Variants in ARMH3 observed in about 807,000 individuals in gnomAD.
ARMH3 encodes armadillo-like helical domain-containing protein 3.
A neutral mutation model predicts 99.1 loss-of-function variants in ARMH3; 60 were observed. The observed-to-expected ratio is 0.61, with a 90% CI of 0.49 to 0.75. The LOEUF is 0.75. ARMH3 is among the 30% of genes least tolerant of loss of function. The pLI is 0.00. For synonymous variants in ARMH3, 285 were observed against 292.8 expected, an observed-to-expected ratio of 0.97 and a Z score of 0.27; for missense variants, 679 against 843.1, an observed-to-expected ratio of 0.81 and a Z score of 2.41.
intron 23 of ARMH3, among the ~76,000 whole-genome samples, chr10:101,908,495 T>C (rs1842727916): frequency 6.6e-6 from 1 of 152,162 alleles, no homozygotes; most frequent in African/African-American, 2.4e-5. Context: ...ACCTACTACA[T>C]GCCAGTAATA....
intron 8 of ARMH3, among the ~76,000 whole-genome samples, chr10:102,020,079 C>T (rs1279465092): frequency 2.0e-5 from 3 of 150,008 alleles, no homozygotes; most frequent in African/African-American, 4.9e-5. Context: ...AAATATAGTA[C>T]AATGTGTTTG....
intron 15 of ARMH3, among the ~76,000 whole-genome samples, chr10:101,998,885 C>T (rs1194154596): frequency 6.6e-6 from 1 of 152,158 alleles, no homozygotes; most frequent in African/African-American, 2.4e-5. Flanking sequence ...GTGGCAAAAA[C>T]CATAGTATTT....
At chr10:101,972,461 A>G (rs989757466) in intron 20 of ARMH3, among the ~76,000 whole-genome samples, 2 of 152,238 alleles carry the variant, frequency 1.3e-5, no homozygotes, top group African/African-American at 2.4e-5. Context: ...ACACATAAGC[A>G]TATTTGCCAT....
chr10:101,872,721 G>T (rs1185905718), intron 24 of ARMH3, among the ~76,000 whole-genome samples: 1 of 152,116 alleles, frequency 6.6e-6, no homozygotes, highest in Non-Finnish European at 1.5e-5. Flanking sequence ...ATTTTGGGTA[G>T]CCAAGGCAGG....
At chr10:102,007,938 G>A (rs1255036135) in intron 13 of ARMH3, among the ~76,000 whole-genome samples, 1 of 151,638 alleles carries the variant, frequency 6.6e-6, no homozygotes, top group African/African-American at 2.4e-5. Flanking sequence ...GCAAAGACAT[G>A]GTGAGACACC....
At chr10:102,032,306 T>C (rs2067149895) in intron 4 of ARMH3, among the ~76,000 whole-genome samples, 1 of 152,234 alleles carries the variant, frequency 6.6e-6, no homozygotes, top group African/African-American at 2.4e-5. Context: ...GCCTGGCACA[T>C]AACAATTCAA....
At chr10:101,970,087 A>C (rs1026644480) in intron 20 of ARMH3, among the ~76,000 whole-genome samples, 3 of 152,230 alleles carry the variant, frequency 2.0e-5, no homozygotes, top group Admixed American at 6.5e-5. Context: ...TTCTTCCTGC[A>C]GTGGAAGTAA....
At chr10:102,006,341 T>A (rs1195746403) in intron 14 of ARMH3, among the ~76,000 whole-genome samples, 199 bp downstream of exon 14, 2 of 152,248 alleles carry the variant, frequency 1.3e-5, no homozygotes, top group African/African-American at 4.8e-5. Context: ...TATGTAAGCT[T>A]CTTTTACAGA....
chr10:101,986,855 G>T (rs1162497952), intron 19 of ARMH3, among the ~76,000 whole-genome samples: 1 of 152,118 alleles, frequency 6.6e-6, no homozygotes. Flanking sequence ...TCAGCCTGAG[G>T]GTGGGACCTT....
chr10:102,030,904 G>C (rs1216680105), intron 4 of ARMH3, among the ~76,000 whole-genome samples: 1 of 151,932 alleles, frequency 6.6e-6, no homozygotes, highest in Non-Finnish European at 1.5e-5. Context: ...CCATGCTTCG[G>C]TCTTCCTAGT....
intron 5 of ARMH3, among the ~76,000 whole-genome samples, chr10:102,028,037 G>A (rs1255811432): frequency 6.7e-6 from 1 of 150,036 alleles, no homozygotes; most frequent in African/African-American, 2.5e-5. Context: ...CAAAGGATAT[G>A]AAAGACTTTT....
At chr10:101,934,165 G>GCT in intron 23 of ARMH3, among the ~76,000 whole-genome samples, 1 of 152,276 alleles carries the variant, frequency 6.6e-6, no homozygotes, top group Non-Finnish European at 1.5e-5. Flanking sequence ...TATCTCAGAG[G>GCT]CTGCTGAAAG....
At chr10:101,921,892 T>C (rs115628691) in intron 23 of ARMH3, among the ~76,000 whole-genome samples, 64 of 152,328 alleles carry the variant, frequency 4.2e-4, no homozygotes, top group African/African-American at 1.4e-3. Flanking sequence ...TATAGTTAGA[T>C]AGAAGGAATA....
intron 11 of ARMH3, 149 bp downstream of exon 11, chr10:102,011,574 C>T (rs890380559): frequency 1.9e-4 from 103 of 541,544 alleles, no homozygotes; most frequent in Non-Finnish European, 3.1e-4. Context: ...AAAGGAAATA[C>T]ACTCCCCAAG....
intron 23 of ARMH3, among the ~76,000 whole-genome samples, chr10:101,894,056 A>C (rs2067758191): frequency 6.6e-6 from 1 of 152,216 alleles, no homozygotes; most frequent in African/African-American, 2.4e-5. Context: ...CAGGCTGAGA[A>C]ACTGTTTAGA....
rs141332039 is a variant in ARMH3, at chr10:101,949,197, G to A, written c.1705+7400C>T. The stretch of plus-strand genomic sequence containing the variant: ...ACCCTAAAAAACTAGCAAAAAAAGA[G>A]CAAATTAAACTCAAAGCAAGCAATA... On this transcript the variant is annotated intron_variant, in intron 22 of 25. Transcript: ENST00000370033. Among the ~76,000 whole-genome samples, 168 of 151,660 alleles carry A rather than the reference G, an allele frequency of 1.1e-3. 1 individual carries two copies. Among genetic ancestry groups the A allele is most frequent in the Non-Finnish European group, 1.7e-3 (117 of 67,824 alleles).
At chr10:101,864,396 T>C (rs1380117140) in intron 24 of ARMH3, among the ~76,000 whole-genome samples, 1 of 152,222 alleles carries the variant, frequency 6.6e-6, no homozygotes, top group African/African-American at 2.4e-5. Flanking sequence ...TTACTGGGTA[T>C]ATACCCAAAG....
At chr10:101,982,314 A>T (rs1401951055) in intron 19 of ARMH3, among the ~76,000 whole-genome samples, 2 of 152,100 alleles carry the variant, frequency 1.3e-5, no homozygotes, top group African/African-American at 4.8e-5. Context: ...TGAACCCGGG[A>T]GGCGGAGGTT....
chr10:102,006,573 T>G lies in ARMH3; in HGVS notation c.1015A>C (p.Thr339Pro). Residue 339 changes from threonine (T) to proline (P), a missense_variant, in exon 14 of 26, where the codon ACA becomes CCA. By Grantham distance (38) the Thr-to-Pro change is conservative. Transcript: ENST00000370033. ...GAAGGCGGTGTGGTCCCAAGTGGTGTGACTGGGGTTGTAGGAGCAGGACTG... is the reference window on the plus strand; with the variant it reads ...GAAGGCGGTGTGGTCCCAAGTGGTGGGACTGGGGTTGTAGGAGCAGGACTG... The part of the protein sequence containing the change: ...PVSPAPTTPV[T>P]PLGTTPPSSD... 6.2e-7 allele frequency: 1 copy of G among 1,614,004 alleles called. No individual in the cohort carries two copies.
Sources: allele counts gnomAD v4.1 joint callset (sites outside exome capture counted in the v4.1 genomes callset), GRCh38; gene constraint gnomAD v4.1.1; transcripts MANE v1.5; gene names NCBI Gene and HGNC (gene_info 2026-07-23, HGNC 2026-07-21).